Variants in SLC12A7 observed in about 807,000 individuals in gnomAD.
SLC12A7 encodes solute carrier family 12 member 7, also known as K-Cl cotransporter 4.
A neutral mutation model predicts 120.6 loss-of-function variants in SLC12A7; 100 were observed. The ratio of observed to expected loss-of-function variants is 0.83; its 90% confidence interval spans 0.71 to 0.98. SLC12A7 has a LOEUF of 0.98. SLC12A7 is among the 50% of genes least tolerant of loss of function. The probability of loss-of-function intolerance (pLI) is 0.00; values close to 1 mark genes in which losing one functional copy is unlikely to be tolerated. For missense variants in SLC12A7, 1,373 were observed against 1,548.1 expected (o/e 0.89, Z 1.90); for synonymous variants, 760 against 678.0 (o/e 1.12, Z -1.88).
chr5:1,145,305 C>T, the SLC12A7 span, among the ~76,000 whole-genome samples: 1 of 152,260 alleles, frequency 6.6e-6, no homozygotes, highest in African/African-American at 2.4e-5. This position sits in a 1 kb window ranked among gnomAD's most constrained non-coding sequence, Gnocchi z 4.4. Context: ...TGGCCGGTTC[C>T]GCAGACCCCC....
At chr5:1,112,113 C>T, upstream of SLC12A7, 1 of 1,091,936 alleles carries the variant, frequency 9.2e-7, no homozygotes, top group Non-Finnish European at 1.1e-6. Flanking sequence ...GCCCGGGCCA[C>T]GTGACTTCAC....
At chr5:1,063,680 CG>C (rs1736571044) in intron 20 of SLC12A7, among the ~76,000 whole-genome samples, 163 bp downstream of exon 20, 1 of 43,776 alleles carries the variant, frequency 2.3e-5, no homozygotes, top group African/African-American at 6.5e-5. Context: ...ACAGCCCTCC[CG>C]ATCTCCACTT....
chr5:1,064,821 A>ACGGCGAGGGGACGGCGAAGCG (rs1736780060), intron 18 of SLC12A7, among the ~76,000 whole-genome samples: 1 of 25,984 alleles, frequency 3.8e-5, no homozygotes, highest in African/African-American at 1.6e-4. Flanking sequence ...ACAGTGAGGG[A>ACGGCGAGGGGACGGCGAAGCG]ACGGCGAGGG....
intron 23 of SLC12A7, among the ~76,000 whole-genome samples, chr5:1,053,046 C>T (rs1330600498): frequency 6.6e-6 from 1 of 152,228 alleles, no homozygotes; most frequent in Non-Finnish European, 1.5e-5. Flanking sequence ...TGCACAGCTG[C>T]TGTGGGGATG....
At chr5:1,104,203 C>A (rs780241920) in intron 1 of SLC12A7, among the ~76,000 whole-genome samples, 22 of 152,300 alleles carry the variant, frequency 1.4e-4, no homozygotes, top group Admixed American at 9.8e-4. Context: ...AGCCCAGGCC[C>A]GACCCGCTGG....
At chr5:1,073,329 C>CT (rs1460721041) in intron 17 of SLC12A7, among the ~76,000 whole-genome samples, 1 of 152,192 alleles carries the variant, frequency 6.6e-6, no homozygotes, top group Non-Finnish European at 1.5e-5. Context: ...CAGCGGGAGA[C>CT]TGAGCTTGCA....
rs186572792 is a variant in SLC12A7 at position 1,099,308 on chromosome 5, G to A, written c.125-5060C>T. Among the ~76,000 whole-genome samples, 17 of 145,986 alleles carry A rather than the reference G, an allele frequency of 1.2e-4. No individual in the cohort carries two copies. In the East Asian group the frequency reaches 3.0e-3, roughly 26 times the overall value. The stretch of plus-strand genomic sequence containing the variant: ...ACCCGGTCCACCTCCTCCGGTGGAC[G>A]GCAGAACCCAACCCGGTCCACCTCC... On this transcript the variant is annotated intron_variant, in intron 1 of 23. Coordinates refer to ENST00000264930, the MANE Select transcript of SLC12A7 (RefSeq NM_006598.3).
chr5:1,069,830 G>A (rs1245924646), intron 17 of SLC12A7, among the ~76,000 whole-genome samples: 1 of 152,114 alleles, frequency 6.6e-6, no homozygotes, highest in Non-Finnish European at 1.5e-5. Context: ...TCAGAGAAAT[G>A]AAGACACAAA....
upstream of SLC12A7, among the ~76,000 whole-genome samples, chr5:1,112,355 CCTCCCCGCCT>C (rs1743101166): frequency 4.0e-5 from 2 of 49,938 alleles, no homozygotes; most frequent in Non-Finnish European, 1.0e-4. Flanking sequence ...TCCCCGGCCC[CCTCCCCGCCT>C]CCCCTCTTGT....
intron 1 of SLC12A7, among the ~76,000 whole-genome samples, chr5:1,110,693 G>C (rs1256643204): frequency 1.3e-5 from 2 of 152,156 alleles, no homozygotes; most frequent in Non-Finnish European, 2.9e-5. Flanking sequence ...GGAGAGAAGG[G>C]GCTTGGACTC....
intron 20 of SLC12A7, among the ~76,000 whole-genome samples, chr5:1,060,922 C>T (rs1357773406): frequency 6.6e-6 from 1 of 152,168 alleles, no homozygotes; most frequent in Non-Finnish European, 1.5e-5. Context: ...CCATTGCACC[C>T]ACCGTGCGGG....
chr5:1,087,239 G>A (rs1458447008), intron 5 of SLC12A7, among the ~76,000 whole-genome samples: 1 of 152,176 alleles, frequency 6.6e-6, no homozygotes, highest in African/African-American at 2.4e-5. Flanking sequence ...TCCACACCAA[G>A]AGCACGCGCT....
chr5:1,115,468 G>T (rs1447987266), upstream of SLC12A7, among the ~76,000 whole-genome samples: 2 of 152,200 alleles, frequency 1.3e-5, no homozygotes, highest in East Asian at 3.9e-4. Flanking sequence ...CTTCTCCCCA[G>T]GTCCGCGGGT....
chr5:1,149,470 T>C, the SLC12A7 span, among the ~76,000 whole-genome samples: 6 of 151,966 alleles, frequency 3.9e-5, no homozygotes, highest in Non-Finnish European at 8.8e-5. Context: ...CCAGCTACTC[T>C]GGAGGCTGAG....
At chr5:1,060,299 T>C in intron 21 of SLC12A7, 45 bp downstream of exon 21, 1 of 1,450,996 alleles carries the variant, frequency 6.9e-7, no homozygotes, top group East Asian at 2.3e-5. Context: ...AAGTCGGCTA[T>C]ACTTCTCAGA....
chr5:1,125,450 C>T, the SLC12A7 span, among the ~76,000 whole-genome samples: 3 of 152,002 alleles, frequency 2.0e-5, no homozygotes, highest in Non-Finnish European at 1.5e-5. Context: ...AATCTGCAGG[C>T]GTGTCAACAT....
chr5:1,102,019 A>T (rs6879835), intron 1 of SLC12A7, among the ~76,000 whole-genome samples: 1 of 152,200 alleles, frequency 6.6e-6, no homozygotes, highest in African/African-American at 2.4e-5. Flanking sequence ...TTAGTTTTCC[A>T]GACACCTTAT....
chr5:1,060,502 T>A, intron 20 of SLC12A7, 51 bp from the exon 21 acceptor site: 1 of 1,390,070 alleles, frequency 7.2e-7, no homozygotes, highest in Non-Finnish European at 1.0e-6. Context: ...GAACCACGGA[T>A]GGCTCCAACA....
chr5:1,117,798 G>A, the SLC12A7 span, among the ~76,000 whole-genome samples: 2 of 152,210 alleles, frequency 1.3e-5, no homozygotes, highest in Admixed American at 6.5e-5. The surrounding 1 kb of genome is among the most constrained non-coding windows in gnomAD (Gnocchi z 4.5). Flanking sequence ...CCTGCCGGGC[G>A]CGGTAGCTCA....
Sources: gnomAD v4.1 joint callset for allele counts (sites outside exome capture counted in the v4.1 genomes callset) on GRCh38, gnomAD v4.1.1 for gene constraint, Gnocchi (gnomAD v3.1) non-coding constraint, MANE v1.5 for transcripts, NCBI Gene and HGNC (gene_info 2026-07-23, HGNC 2026-07-21) for gene names.